EPHA3: variants seen among roughly 807,000 people sequenced by gnomAD.
The protein encoded by EPHA3 is ephrin type-A receptor 3.
A neutral mutation model predicts 107.1 loss-of-function variants in EPHA3; 42 were observed. That is an observed-to-expected ratio of 0.39 (90% CI 0.31 to 0.51). The LOEUF (loss-of-function observed/expected upper bound fraction) is 0.51, where lower values mean the gene tolerates loss of function less well. Among genes scored for constraint, EPHA3 ranks in the 20% least tolerant of loss-of-function variants. The pLI is 0.78. For missense variants in EPHA3, 1,183 were observed against 1,211.2 expected, an observed-to-expected ratio of 0.98 and a Z score of 0.35; for synonymous variants, 461 against 424.8, an observed-to-expected ratio of 1.09 and a Z score of -1.05.
chr3:89,479,158 G>A (rs1038534065), intron 16 of EPHA3, among the ~76,000 whole-genome samples: 16 of 152,012 alleles, frequency 1.1e-4, no homozygotes, highest in African/African-American at 3.6e-4. Context: ...AAATAAAATC[G>A]CATTTTGAGG....
chr3:89,470,779 G>T (rs1710382614), intron 15 of EPHA3, among the ~76,000 whole-genome samples: 1 of 152,156 alleles, frequency 6.6e-6, no homozygotes, highest in Non-Finnish European at 1.5e-5. Context: ...GAATAATGTG[G>T]GTCTAAAGGC....
intron 3 of EPHA3, among the ~76,000 whole-genome samples, chr3:89,325,587 A>G (rs1707147120): frequency 6.6e-6 from 1 of 151,806 alleles, no homozygotes; most frequent in African/African-American, 2.4e-5. Flanking sequence ...TTCCAGCTAT[A>G]CTCTTTTTCT....
intron 1 of EPHA3, among the ~76,000 whole-genome samples, chr3:89,112,467 A>C (rs542557393): frequency 6.6e-6 from 1 of 152,172 alleles, no homozygotes; most frequent in African/African-American, 2.4e-5. Context: ...GACCATTTTT[A>C]ATACTTTTCC....
At chr3:89,428,508 T>G (rs1467409303) in intron 11 of EPHA3, among the ~76,000 whole-genome samples, 2 of 152,122 alleles carry the variant, frequency 1.3e-5, no homozygotes, top group Non-Finnish European at 2.9e-5. Context: ...ATTTTCCATT[T>G]AAACATAGCA....
chr3:89,276,827 A>G (rs550619372), intron 3 of EPHA3, among the ~76,000 whole-genome samples: 1 of 152,238 alleles, frequency 6.6e-6, no homozygotes, highest in East Asian at 1.9e-4. Context: ...GAGAATATCT[A>G]AAAGTCCGTC....
chr3:89,377,528 A>G (rs568975341), intron 5 of EPHA3, among the ~76,000 whole-genome samples: 3 of 152,290 alleles, frequency 2.0e-5, no homozygotes, highest in East Asian at 3.9e-4. Flanking sequence ...AGATGCATGT[A>G]TGAAAACCAA....
intron 1 of EPHA3, among the ~76,000 whole-genome samples, chr3:89,123,085 A>AGGAG (rs1707425194): frequency 4.6e-5 from 7 of 152,090 alleles, no homozygotes; most frequent in Admixed American, 4.6e-4. Context: ...CCTTTCCATA[A>AGGAG]GTACTTATTA....
At chr3:89,430,143 C>G (rs537189179) in intron 12 of EPHA3, among the ~76,000 whole-genome samples, 1 of 152,098 alleles carries the variant, frequency 6.6e-6, no homozygotes, top group South Asian at 2.1e-4. Context: ...TTATGTTCAA[C>G]AATTTCATGA....
At chr3:89,424,295 C>T (rs1299839908) in intron 11 of EPHA3, among the ~76,000 whole-genome samples, 1 of 151,238 alleles carries the variant, frequency 6.6e-6, no homozygotes, top group South Asian at 2.1e-4. Flanking sequence ...AAAGTTCTAT[C>T]TTAATAAATG....
intron 5 of EPHA3, among the ~76,000 whole-genome samples, chr3:89,364,909 A>T (rs1708159869): frequency 6.6e-6 from 1 of 150,954 alleles, no homozygotes; most frequent in Non-Finnish European, 1.5e-5. Flanking sequence ...TTATAAAGTG[A>T]CTTTACTTCC....
At chr3:89,217,867 TA>T (rs1704255461) in intron 3 of EPHA3, among the ~76,000 whole-genome samples, 1 of 152,198 alleles carries the variant, frequency 6.6e-6, no homozygotes, top group South Asian at 2.1e-4. Context: ...CAGGAACATG[TA>T]AAGTTTTATG....
At chr3:89,239,605 A>G (rs967512474) in intron 3 of EPHA3, among the ~76,000 whole-genome samples, 32 of 152,218 alleles carry the variant, frequency 2.1e-4, no homozygotes, top group African/African-American at 2.9e-4. Flanking sequence ...TAAAAAATCA[A>G]CTAGGCTTTC....
intron 1 of EPHA3, among the ~76,000 whole-genome samples, chr3:89,117,642 G>A (rs543916145): frequency 6.6e-6 from 1 of 152,030 alleles, no homozygotes; most frequent in South Asian, 2.1e-4. Flanking sequence ...TTACAAAACT[G>A]AGCTATTCCC....
At chr3:89,154,212 C>T (rs1256093978) in intron 2 of EPHA3, among the ~76,000 whole-genome samples, 1 of 151,162 alleles carries the variant, frequency 6.6e-6, no homozygotes, top group African/African-American at 2.4e-5. Context: ...TATCCCCTTT[C>T]CTTTTGAGCA....
At chr3:89,400,636 CGTGT>C (rs57254382) in intron 7 of EPHA3, among the ~76,000 whole-genome samples, 30 of 145,214 alleles carry the variant, frequency 2.1e-4, no homozygotes, top group South Asian at 4.3e-4. Flanking sequence ...TGTGTGTGAG[CGTGT>C]GTGTGTGTGT....
chr3:89,372,372 T>C (rs1173587713), intron 5 of EPHA3, among the ~76,000 whole-genome samples: 1 of 151,690 alleles, frequency 6.6e-6, no homozygotes, highest in Non-Finnish European at 1.5e-5. Flanking sequence ...CTCACCCTCA[T>C]ACTTAGGTTC....
intron 2 of EPHA3, among the ~76,000 whole-genome samples, chr3:89,132,429 A>G (rs955717213): frequency 2.6e-5 from 4 of 152,206 alleles, no homozygotes; most frequent in African/African-American, 9.6e-5. Context: ...TTATAGTGTT[A>G]TTTATATTTT....
intron 2 of EPHA3, among the ~76,000 whole-genome samples, chr3:89,139,283 T>C (rs1246529827): frequency 1.3e-5 from 2 of 151,864 alleles, no homozygotes; most frequent in African/African-American, 4.8e-5. Flanking sequence ...GGAAAACTGA[T>C]AGCCGCACAC....
In EPHA3 at chr3:89,152,647, A is replaced by G. The variant is rs560877560; in HGVS notation, c.153+25374A>G. Among the ~76,000 whole-genome samples, 12 of 152,254 alleles carry G rather than the reference A, an allele frequency of 7.9e-5. No homozygotes were observed. In the South Asian group the frequency reaches 2.5e-3, roughly 32 times the overall value. On this transcript the variant is annotated intron_variant, in intron 2 of 16. Transcript: ENST00000336596. ...TATACTTTTTAAAAAGAACGTGCTT[A>G]CATTTTCCATCCAGTCAATGTTTTT...
Sources: allele counts gnomAD v4.1 joint callset (sites outside exome capture counted in the v4.1 genomes callset), GRCh38; gene constraint gnomAD v4.1.1; transcripts MANE v1.5; gene names NCBI Gene and HGNC (gene_info 2026-07-23, HGNC 2026-07-21).